The following RANBP3L variants were observed in gnomAD, a reference collection of about 807,000 sequenced individuals.
The protein encoded by RANBP3L is ran-binding protein 3-like.
Under a neutral mutation model 67.2 loss-of-function variants are expected in RANBP3L, and 56 were observed. The ratio of observed to expected loss-of-function variants is 0.83; its 90% CI spans 0.67 to 1.04. The LOEUF (loss-of-function observed/expected upper bound fraction) is 1.04. Ranked by LOEUF, RANBP3L falls within the 50% of genes least tolerant of loss-of-function variation. RANBP3L has a pLI of 0.00. For missense variants in RANBP3L, 496 were observed against 535.5 expected (o/e 0.93, Z 0.73); for synonymous variants, 164 against 181.4 (o/e 0.90, Z 0.77).
At chr5:36,292,337 C>T (rs1054126919) in intron 1 of RANBP3L, among the ~76,000 whole-genome samples, 7 of 151,600 alleles carry the variant, frequency 4.6e-5, no homozygotes, top group Non-Finnish European at 7.4e-5. Context: ...AAATTTTCTC[C>T]CATTTTGTAG....
intron 1 of RANBP3L, among the ~76,000 whole-genome samples, chr5:36,288,153 G>A (rs1751455324): frequency 6.6e-6 from 1 of 152,138 alleles, no homozygotes; most frequent in Admixed American, 6.6e-5. Context: ...TGTTCCTTGT[G>A]TCCTGTTCCA....
chr5:36,269,602 G>T, intron 3 of RANBP3L, 135 bp from the exon 4 acceptor site: 2 of 656,650 alleles, frequency 3.0e-6, no homozygotes, highest in Non-Finnish European at 2.8e-6. Context: ...AAATATTGGG[G>T]TTAATAGTTT....
At position 36,269,940 on chromosome 5, in the gene RANBP3L, A is replaced by C; in HGVS notation, c.190+11T>G. 1.2e-6 allele frequency: 2 copies of C among 1,611,618 alleles called. No homozygotes were observed. Among genetic ancestry groups the C allele is most frequent in the Non-Finnish European group, 1.7e-6 (2 of 1,177,672 alleles). On this transcript the variant is annotated intron_variant, in intron 3 of 13. Coordinates refer to ENST00000296604, the MANE Select transcript of RANBP3L (RefSeq NM_145000.5). ...AAGATTGATTTTGGAATACAGGATGAAAATCATTACCTGGTTCTGCTGCTT... is the reference window on the plus strand; with the variant it reads ...AAGATTGATTTTGGAATACAGGATGCAAATCATTACCTGGTTCTGCTGCTT...
At chr5:36,269,272 A>T in intron 4 of RANBP3L, 118 bp downstream of exon 4, 1 of 672,766 alleles carries the variant, frequency 1.5e-6, no homozygotes, top group East Asian at 2.5e-5. Flanking sequence ...GTAACAATAT[A>T]TTATAAACAC....
At chr5:36,252,002 G>A (rs1196330122) in intron 12 of RANBP3L, among the ~76,000 whole-genome samples, 1 of 151,974 alleles carries the variant, frequency 6.6e-6, no homozygotes, top group Non-Finnish European at 1.5e-5. Flanking sequence ...TTTAATGGTT[G>A]TTATTCATAT....
At chr5:36,300,533 A>G (rs1276757061) in intron 1 of RANBP3L, among the ~76,000 whole-genome samples, 1 of 152,186 alleles carries the variant, frequency 6.6e-6, no homozygotes, top group Non-Finnish European at 1.5e-5. Context: ...AGACCTACAC[A>G]TAAAAAGATC....
intron 1 of RANBP3L, among the ~76,000 whole-genome samples, chr5:36,290,159 T>C (rs1751616739): frequency 6.6e-6 from 1 of 152,044 alleles, no homozygotes; most frequent in Admixed American, 6.6e-5. Flanking sequence ...ACAATCCTTT[T>C]AATATCTGTA....
At chr5:36,283,793 T>A (rs1175377837) in intron 1 of RANBP3L, among the ~76,000 whole-genome samples, 3 of 152,202 alleles carry the variant, frequency 2.0e-5, no homozygotes, top group Non-Finnish European at 4.4e-5. Flanking sequence ...TCCAGAGAGA[T>A]GACCATGTTA....
chr5:36,278,125 T>A (rs1750726996), intron 1 of RANBP3L, among the ~76,000 whole-genome samples: 1 of 152,130 alleles, frequency 6.6e-6, no homozygotes, highest in Non-Finnish European at 1.5e-5. Context: ...CCAAACAATA[T>A]CACTTACCTA....
At chr5:36,253,555 GATTATT>G in intron 12 of RANBP3L, 86 bp downstream of exon 12, 1 of 1,043,528 alleles carries the variant, frequency 9.6e-7, no homozygotes, top group Non-Finnish European at 1.4e-6. Context: ...CAATGGTACA[GATTATT>G]ATACCTAATG....
intron 8 of RANBP3L, among the ~76,000 whole-genome samples, chr5:36,260,196 A>AC (rs1338327038): frequency 1.9e-5 from 2 of 105,026 alleles, no homozygotes; most frequent in Non-Finnish European, 4.5e-5. Flanking sequence ...TACTAAAAAT[A>AC]CAAAAAAAAA....
chr5:36,259,987 AT>A (rs1749255099), intron 8 of RANBP3L, among the ~76,000 whole-genome samples: 1 of 152,184 alleles, frequency 6.6e-6, no homozygotes, highest in African/African-American at 2.4e-5. Context: ...GTAAAGCACT[AT>A]GAATTTTCTC....
intron 1 of RANBP3L, among the ~76,000 whole-genome samples, chr5:36,300,264 G>T (rs1421414114): frequency 6.6e-6 from 1 of 152,172 alleles, no homozygotes; most frequent in Admixed American, 6.6e-5. Context: ...TAGTAGTAAA[G>T]CATGGTCTAA....
intron 3 of RANBP3L, 70 bp from the exon 4 acceptor site, chr5:36,269,537 A>T: frequency 1.1e-6 from 1 of 899,324 alleles, no homozygotes; most frequent in Non-Finnish European, 1.8e-6. Flanking sequence ...ATGATAGGGT[A>T]GGATAAACAG....
chr5:36,286,122 C>T (rs1048015019), intron 1 of RANBP3L, among the ~76,000 whole-genome samples: 1 of 152,064 alleles, frequency 6.6e-6, no homozygotes, highest in East Asian at 1.9e-4. Flanking sequence ...TGCTTGTTTG[C>T]TAATTAATGT....
At chr5:36,282,107 A>G (rs1191339172) in intron 1 of RANBP3L, among the ~76,000 whole-genome samples, 1 of 152,184 alleles carries the variant, frequency 6.6e-6, no homozygotes, top group Non-Finnish European at 1.5e-5. Context: ...ACCATTTGGA[A>G]ATACATATTT....
chr5:36,279,754 A>C (rs1246787321), intron 1 of RANBP3L, among the ~76,000 whole-genome samples: 1 of 152,154 alleles, frequency 6.6e-6, no homozygotes, highest in Admixed American at 6.6e-5. Flanking sequence ...CTTGTTCTTA[A>C]CTGCTTTAAA....
chr5:36,257,336 GT>G lies in RANBP3L; in HGVS notation c.772+117del, dbSNP rs532073313. On this transcript the variant is annotated intron_variant, in intron 9 of 13. Coordinates refer to ENST00000296604, the MANE Select transcript of RANBP3L (RefSeq NM_145000.5). ...AAATATTTGAAACACTGGATTATTG[GT>G]TTTTTAAATCTTATAGTAAATATTA... 6 of 449,968 alleles carry G rather than the reference GT, an allele frequency of 1.3e-5. No homozygotes were observed. The South Asian group carries it at 4.2e-4, about 31-fold the overall frequency. The allele number at this position is 449,968 out of a possible 1,614,324, so 27.9% of individuals were successfully genotyped here.
intron 1 of RANBP3L, among the ~76,000 whole-genome samples, chr5:36,278,107 G>C (rs1750725781): frequency 6.6e-6 from 1 of 152,170 alleles, no homozygotes; most frequent in Admixed American, 6.5e-5. Context: ...ATTTGGGTGG[G>C]GACACAGCCA....
Sources: allele counts gnomAD v4.1 joint callset (sites outside exome capture counted in the v4.1 genomes callset), GRCh38; gene constraint gnomAD v4.1.1; transcripts MANE v1.5; gene names NCBI Gene and HGNC (gene_info 2026-07-23, HGNC 2026-07-21).